The following LYST variants were observed in gnomAD, a reference collection of about 807,000 sequenced individuals.
LYST encodes lysosomal trafficking regulator.
In LYST, 192 loss-of-function variants were observed where a neutral mutation model predicts 413.6. The ratio of observed to expected loss-of-function variants is 0.46; its 90% confidence interval spans 0.41 to 0.52. The LOEUF (loss-of-function observed/expected upper bound fraction) is 0.52. Ranked by LOEUF, LYST falls within the 20% of genes least tolerant of loss-of-function variation. The pLI is 0.00. For synonymous variants in LYST, 1,525 were observed against 1,567.3 expected (o/e 0.97, Z 0.64); for missense variants, 3,815 against 4,499.9 (o/e 0.85, Z 4.35).
chr1:235,775,202 T>C, intron 17 of LYST, 116 bp from the exon 18 acceptor site: 1 of 769,756 alleles, frequency 1.3e-6, no homozygotes, highest in South Asian at 1.5e-5. Context: ...AAGTATTTTT[T>C]TAATGCTCAT....
chr1:235,765,260 TC>T (rs1175299943), intron 21 of LYST, among the ~76,000 whole-genome samples: 1 of 152,174 alleles, frequency 6.6e-6, no homozygotes, highest in African/African-American at 2.4e-5. Context: ...AGTCATTCCA[TC>T]CTAAACTTCC....
rs769561565 is a variant in LYST at position 235,830,376 on chromosome 1, G to A, written c.42C>T (p.Thr14=). Residue 14 remains threonine (T), a synonymous_variant, in exon 3 of 53, where the codon ACC becomes ACT. Coordinates refer to ENST00000389793, the MANE Select transcript of LYST (RefSeq NM_000081.4). ...DSNSLAREFL[T]DVNRLCNAVV... Reference sequence around the variant, plus strand: ...CTGCATTGCAAAGCCGGTTGACATCGGTCAGAAATTCACGTGCCAGTGAGT... The same window carrying A: ...CTGCATTGCAAAGCCGGTTGACATCAGTCAGAAATTCACGTGCCAGTGAGT... 87 of 1,613,296 alleles carry A rather than the reference G, an allele frequency of 5.4e-5. No homozygotes were observed. The highest frequency in any genetic ancestry group is 2.7e-4 in the East Asian group (12 of 44,862).
intron 3 of LYST, among the ~76,000 whole-genome samples, chr1:235,823,695 G>A (rs1675024959): frequency 6.6e-6 from 1 of 152,230 alleles, no homozygotes; most frequent in African/African-American, 2.4e-5. Flanking sequence ...AATGTGCTGT[G>A]TTTTCTCTAG....
At position 235,663,000 on chromosome 1, in the gene LYST, G is replaced by A; in HGVS notation, c.11346C>T (p.Asp3782=). The A allele has an allele frequency of 1.9e-6, 3 of 1,613,958 alleles. No individual in the cohort carries two copies. The highest frequency in any genetic ancestry group is 2.5e-6 in the Non-Finnish European group (3 of 1,179,914). The change falls in exon 53 of 53, where the codon GAC becomes GAT. Residue 3782 remains aspartate, a synonymous_variant. Transcript: ENST00000389793. ...ACATTGGCTGTTTCAAGCGCTGCTGGTCCTTCCGACACCAGGCAATCACGG... is the reference window on the plus strand; with the variant it reads ...ACATTGGCTGTTTCAAGCGCTGCTGATCCTTCCGACACCAGGCAATCACGG... ...DGTVIAWCRK[D]QQRLKQPMFY... is the part of the protein sequence containing the mutation.
At chr1:235,699,765 G>A (rs183497950) in intron 45 of LYST, among the ~76,000 whole-genome samples, 32 of 152,144 alleles carry the variant, frequency 2.1e-4, no homozygotes, top group East Asian at 9.7e-4. Flanking sequence ...TTTAATAATC[G>A]CCATTCTGAT....
intron 47 of LYST, among the ~76,000 whole-genome samples, chr1:235,691,732 G>T (rs1660673624): frequency 7.7e-6 from 1 of 130,430 alleles, no homozygotes; most frequent in African/African-American, 3.1e-5. Flanking sequence ...GTTTTGCTCT[G>T]GTTGCTGATG....
chr1:235,779,981 C>T (rs1258403127), intron 16 of LYST, among the ~76,000 whole-genome samples: 3 of 152,128 alleles, frequency 2.0e-5, no homozygotes, highest in South Asian at 2.1e-4. Flanking sequence ...GAAAAATCCT[C>T]ACCACTAGCT....
intron 23 of LYST, 89 bp downstream of exon 23, chr1:235,758,883 G>T: frequency 9.2e-7 from 1 of 1,090,768 alleles, no homozygotes. Flanking sequence ...TATTATAAGT[G>T]GCATAATGAA....
At chr1:235,880,080 G>A (rs772083458) in intron 1 of LYST, among the ~76,000 whole-genome samples, 2 of 152,106 alleles carry the variant, frequency 1.3e-5, no homozygotes, top group Non-Finnish European at 2.9e-5. Context: ...CTCTTGTCTC[G>A]TTTTTTCTTA....
In LYST at chr1:235,734,514, G is replaced by A. The variant is rs1664649723; in HGVS notation, c.8504C>T (p.Thr2835Ile). Residue 2835 changes from threonine to isoleucine, a missense_variant, in exon 32 of 53, where the codon ACA (threonine) becomes ATA (isoleucine). Thr to Ile is a moderately conservative substitution (Grantham distance 89). Coordinates refer to ENST00000389793, the MANE Select transcript of LYST (RefSeq NM_000081.4). ...GHKCIPPSAS[T>I]KADLIKMIKE... ...GATCATTTTAATAAGGTCTGCTTTT[G>A]TTGATGCACTGGGAGGGATGCACTT... 1 of 1,613,654 alleles carries A rather than the reference G, an allele frequency of 6.2e-7. No homozygotes were observed.
At chr1:235,684,432 G>C (rs1353944991) in intron 48 of LYST, among the ~76,000 whole-genome samples, 1 of 152,166 alleles carries the variant, frequency 6.6e-6, no homozygotes, top group Non-Finnish European at 1.5e-5. Flanking sequence ...AACTGCCCTA[G>C]CAGCAGGGTT....
At chr1:235,689,047 C>CAAT (rs149581246) in intron 47 of LYST, among the ~76,000 whole-genome samples, 16,218 of 140,500 alleles carry the variant, frequency 0.12, 1,135 homozygotes, top group Middle Eastern at 0.15. Flanking sequence ...ACAACAACAA[C>CAAT]AATAATATCC....
At chr1:235,857,704 TAC>T (rs145682413) in intron 1 of LYST, among the ~76,000 whole-genome samples, 3,134 of 145,126 alleles carry the variant, frequency 0.022, 117 homozygotes, top group African/African-American at 0.074. Context: ...TGTATATATA[TAC>T]ACACACACAC....
upstream of LYST, among the ~76,000 whole-genome samples, chr1:235,868,708 AT>A (rs1680777929): frequency 6.6e-6 from 1 of 151,824 alleles, no homozygotes; most frequent in Non-Finnish European, 1.5e-5. Flanking sequence ...ATTTTATTTT[AT>A]TTTCAAGATG....
intron 1 of LYST, among the ~76,000 whole-genome samples, chr1:235,843,068 G>T (rs914229028): frequency 1.3e-5 from 2 of 152,138 alleles, no homozygotes; most frequent in African/African-American, 4.8e-5. Flanking sequence ...TGCTACCAAG[G>T]ACATTACATG....
intron 50 of LYST, among the ~76,000 whole-genome samples, chr1:235,675,965 G>T (rs1324839354): frequency 6.6e-6 from 1 of 152,190 alleles, no homozygotes; most frequent in Non-Finnish European, 1.5e-5. Flanking sequence ...CTATGGGTAT[G>T]TCCAACACTG....
chr1:235,817,380 C>A (rs1674272483), intron 3 of LYST, among the ~76,000 whole-genome samples: 1 of 151,444 alleles, frequency 6.6e-6, no homozygotes, highest in Non-Finnish European at 1.5e-5. Flanking sequence ...TGGGTATATA[C>A]CCAAAGGAAT....
chr1:235,768,892 T>C lies in LYST; in HGVS notation c.5922+1268A>G, dbSNP rs541543113. Among the ~76,000 whole-genome samples, 4 of 152,176 alleles carry C rather than the reference T, an allele frequency of 2.6e-5. 1 individual carries two copies. The highest frequency in any genetic ancestry group is 7.2e-5 in the African/African-American group (3 of 41,564). ...CGACATATTCTATTCCCTACAACAA[T>C]AGTCTAATTTACCACAGGGGCCAAG... On this transcript the variant is annotated intron_variant, in intron 20 of 52. Transcript: ENST00000389793.
At chr1:235,766,728 T>C (rs1668184270) in intron 20 of LYST, among the ~76,000 whole-genome samples, 1 of 152,152 alleles carries the variant, frequency 6.6e-6, no homozygotes, top group Non-Finnish European at 1.5e-5. Context: ...CTTAGAATAG[T>C]GCCTTGCATA....
Sources: allele counts gnomAD v4.1 joint callset (sites outside exome capture counted in the v4.1 genomes callset), GRCh38; gene constraint gnomAD v4.1.1; transcripts MANE v1.5; gene names NCBI Gene and HGNC (gene_info 2026-07-23, HGNC 2026-07-21).